Variants in CARMIL1 observed in about 807,000 individuals in gnomAD.
The protein encoded by CARMIL1 is capping protein regulator and myosin 1 linker 1.
In CARMIL1, 90 loss-of-function variants were observed where a neutral mutation model predicts 177.1. The observed-to-expected ratio is 0.51, with a 90% CI of 0.43 to 0.61. CARMIL1 has a LOEUF of 0.61. Among genes scored for constraint, CARMIL1 ranks in the 20% least tolerant of loss-of-function variants. The pLI is 0.00. For missense variants in CARMIL1, 1,380 were observed against 1,667.0 expected (o/e 0.83, Z 3.00); for synonymous variants, 577 against 606.2 (o/e 0.95, Z 0.71).
At chr6:25,520,197 A>G (rs758564052) in intron 22 of CARMIL1, 47 bp from the exon 23 acceptor site, 1 of 895,578 alleles carries the variant, frequency 1.1e-6, no homozygotes, top group South Asian at 1.7e-5. Flanking sequence ...AATTAAGGTA[A>G]TAGGAAGTTA....
chr6:25,383,651 AT>A (rs996815184), intron 2 of CARMIL1: 60 of 152,330 alleles, frequency 3.9e-4, no homozygotes, highest in African/African-American at 1.4e-3. Flanking sequence ...AGACATTAAC[AT>A]GGCCCCTGTC....
chr6:25,594,468 G>A lies in CARMIL1; in HGVS notation c.3060G>A (p.Gly1020=). 5.0e-6 allele frequency: 8 copies of A among 1,613,652 alleles called. No individual in the cohort carries two copies. Among genetic ancestry groups the A allele is most frequent in the Non-Finnish European group, 6.8e-6 (8 of 1,179,674 alleles). The change falls in exon 32 of 37, where the codon GGG becomes GGA. Residue 1020 remains glycine, a synonymous_variant. Coordinates refer to ENST00000329474, the MANE Select transcript of CARMIL1 (RefSeq NM_017640.6). ...ATGGTGAACAGAATGGTCTCATGGG[G>A]AGAGTGGATGAAGGTGTAGATGAAT... ...SQDGEQNGLM[G]RVDEGVDEFF...
At chr6:25,383,075 G>T (rs1456585312) in intron 2 of CARMIL1, among the ~76,000 whole-genome samples, 1 of 152,196 alleles carries the variant, frequency 6.6e-6, no homozygotes, top group African/African-American at 2.4e-5. Flanking sequence ...GTTGGGTTGA[G>T]TACTATGGGG....
intron 27 of CARMIL1, 43 bp downstream of exon 27, chr6:25,551,128 T>A: frequency 6.6e-7 from 1 of 1,507,094 alleles, no homozygotes; most frequent in Non-Finnish European, 9.1e-7. Flanking sequence ...GCAGTTTCTG[T>A]AAATGCAGTC....
chr6:25,418,325 A>G (rs1195975335), intron 2 of CARMIL1, among the ~76,000 whole-genome samples: 1 of 152,150 alleles, frequency 6.6e-6, no homozygotes, highest in Non-Finnish European at 1.5e-5. Flanking sequence ...CCTTGAAACG[A>G]GTTCATCATT....
At chr6:25,601,855 T>C (rs1582493906) in intron 33 of CARMIL1, among the ~76,000 whole-genome samples, 3 of 152,238 alleles carry the variant, frequency 2.0e-5, no homozygotes, top group Non-Finnish European at 4.4e-5. Flanking sequence ...TGTATCTGTG[T>C]GATAAGATGA....
intron 2 of CARMIL1, among the ~76,000 whole-genome samples, chr6:25,294,728 G>T (rs532662492): frequency 6.6e-6 from 1 of 152,330 alleles, no homozygotes; most frequent in African/African-American, 2.4e-5. Context: ...ACATCCTGGA[G>T]TCTCAGTCCT....
intron 4 of CARMIL1, among the ~76,000 whole-genome samples, chr6:25,429,000 T>G (rs1796502806): frequency 6.6e-6 from 1 of 152,202 alleles, no homozygotes; most frequent in Non-Finnish European, 1.5e-5. Flanking sequence ...ATTTTTAACA[T>G]GGGTGCCTTT....
intron 29 of CARMIL1, 137 bp downstream of exon 29, chr6:25,556,987 A>G: frequency 1.1e-6 from 1 of 910,122 alleles, no homozygotes; most frequent in South Asian, 1.6e-5. Flanking sequence ...TTCTTTCAGA[A>G]AAGTCCTAAA....
At chr6:25,521,399 C>T (rs189950163) in intron 23 of CARMIL1, among the ~76,000 whole-genome samples, 1 of 152,146 alleles carries the variant, frequency 6.6e-6, no homozygotes, top group Non-Finnish European at 1.5e-5. Context: ...TATGTTAGAA[C>T]TATAGTACAC....
At chr6:25,587,512 A>T (rs79835055) in intron 31 of CARMIL1, among the ~76,000 whole-genome samples, 2,955 of 152,298 alleles carry the variant, frequency 0.019, 80 homozygotes, top group African/African-American at 0.061. Flanking sequence ...AAAATATGCC[A>T]TCCTTTACTT....
At position 25,541,348 on chromosome 6, in the gene CARMIL1, T is replaced by G. The variant is rs1808872929; in HGVS notation, c.2328+1270T>G. 2.0e-5 allele frequency among the ~76,000 whole-genome samples: 3 copies of G among 152,192 alleles called. No homozygotes were observed. In the South Asian group the frequency reaches 6.2e-4, roughly 32 times the overall value. ...TACTGATTGGTAACCTTGTTCTATT[T>G]GGTACAATGTCATGAATACAATTAT... On this transcript the variant is annotated intron_variant, in intron 26 of 36. Coordinates refer to ENST00000329474, the MANE Select transcript of CARMIL1 (RefSeq NM_017640.6).
chr6:25,553,945 G>T, intron 27 of CARMIL1, 64 bp from the exon 28 acceptor site: 1 of 980,648 alleles, frequency 1.0e-6, no homozygotes, highest in South Asian at 1.4e-5. Context: ...TAGCAGCAAG[G>T]GTGGATCATT....
At chr6:25,566,899 T>C (rs182376453) in intron 29 of CARMIL1, among the ~76,000 whole-genome samples, 18 of 152,352 alleles carry the variant, frequency 1.2e-4, no homozygotes, top group African/African-American at 4.3e-4. Flanking sequence ...AAGTTATCTT[T>C]AAACTGATGA....
chr6:25,606,417 C>CA (rs1409954575), intron 35 of CARMIL1, 144 bp downstream of exon 35: 4 of 699,682 alleles, frequency 5.7e-6, no homozygotes, highest in African/African-American at 5.4e-5. Context: ...GAAACCTATG[C>CA]AAAGCTGTGA....
chr6:25,483,707 G>A (rs867049122), intron 12 of CARMIL1, among the ~76,000 whole-genome samples: 40 of 150,528 alleles, frequency 2.7e-4, no homozygotes, highest in Middle Eastern at 6.8e-3. Context: ...AAAAATGGAG[G>A]TAGATTAAAA....
intron 32 of CARMIL1, among the ~76,000 whole-genome samples, chr6:25,599,050 C>T (rs1363480510): frequency 1.3e-5 from 2 of 152,198 alleles, no homozygotes; most frequent in Admixed American, 1.3e-4. Context: ...CATTTGGAGT[C>T]CCCCAGCTCA....
chr6:25,364,471 A>G (rs1056183901), intron 2 of CARMIL1, among the ~76,000 whole-genome samples: 4 of 152,150 alleles, frequency 2.6e-5, no homozygotes, highest in East Asian at 1.9e-4. Context: ...ACTATACAAC[A>G]TGTAACCTTT....
chr6:25,586,890 C>T lies in CARMIL1; in HGVS notation c.3006+5451C>T, dbSNP rs901241455. Among the ~76,000 whole-genome samples the T allele has an allele frequency of 4.6e-5, 7 of 152,020 alleles. No homozygotes were observed. In the East Asian group the frequency reaches 5.8e-4, roughly 13 times the overall value. ...AATCAGGCAGGGAGGTTGCAGTGAG[C>T]CGAGATGGCAGCAGTACAGTCCAGC... On this transcript the variant is annotated intron_variant, in intron 31 of 36. Coordinates refer to ENST00000329474, the MANE Select transcript of CARMIL1 (RefSeq NM_017640.6).
Sources: allele counts gnomAD v4.1 joint callset (sites outside exome capture counted in the v4.1 genomes callset), GRCh38; gene constraint gnomAD v4.1.1; transcripts MANE v1.5; gene names NCBI Gene and HGNC (gene_info 2026-07-23, HGNC 2026-07-21).